The following CNTD1 variants were observed in gnomAD, a reference collection of about 807,000 sequenced individuals.
CNTD1 encodes the protein cyclin N-terminal domain containing 1.
A neutral mutation model predicts 36.3 loss-of-function variants in CNTD1; 17 were observed. That is an observed-to-expected ratio of 0.47 (90% CI 0.32 to 0.70). CNTD1 has a LOEUF of 0.70. Among genes scored for constraint, CNTD1 ranks in the 30% least tolerant of loss-of-function variants. CNTD1 has a pLI of 0.03. For synonymous variants in CNTD1, 128 were observed against 153.3 expected, an observed-to-expected ratio of 0.83 and a Z score of 1.22; for missense variants, 338 against 386.1, an observed-to-expected ratio of 0.88 and a Z score of 1.04.
In CNTD1 at chr17:42,806,788, T is replaced by C. The variant is rs200840933; in HGVS notation, c.695T>C (p.Ile232Thr). ...PIYESLLRAS[I>T]ENSTPSQLQG... is the part of the protein sequence containing the mutation. Reference sequence around the variant, plus strand: ...TATGAGAGCCTGTTGAGGGCTTCAATTGAGAACTCCACTCCCAGTCAGCTG... The same window carrying C: ...TATGAGAGCCTGTTGAGGGCTTCAACTGAGAACTCCACTCCCAGTCAGCTG... The change falls in exon 5 of 7, where the codon ATT (isoleucine) becomes ACT (threonine). Residue 232 changes from isoleucine to threonine, a missense_variant. Ile to Thr is a moderately conservative substitution (Grantham distance 89, BLOSUM62 -1). Coordinates refer to ENST00000588408, the MANE Select transcript of CNTD1 (RefSeq NM_173478.3). 175 of 1,614,166 alleles carry C rather than the reference T, an allele frequency of 1.1e-4. No individual in the cohort carries two copies. The East Asian group carries it at 2.4e-3, about 22-fold the overall frequency.
rs924447112 is a variant in CNTD1, at chr17:42,804,099, A to G, written c.246-126A>G. The G allele has an allele frequency of 9.5e-6, 8 of 838,808 alleles. No homozygotes were observed. In the African/African-American group the frequency reaches 1.4e-4, roughly 15 times the overall value. The allele number at this position is 838,808 out of a possible 1,614,324, so 52.0% of individuals were successfully genotyped here. On this transcript the variant is annotated intron_variant, in intron 2 of 6. Transcript: ENST00000588408. ...AGTCATCTGCCTGCCTTGGCCTCCC[A>G]AAGTGCTGGGATTACAGGTGTGAGC...
chr17:42,805,769 T>C lies in CNTD1; in HGVS notation c.465T>C (p.Tyr155=). Residue 155 remains tyrosine, a synonymous_variant, in exon 4 of 7, where the codon TAT becomes TAC. Transcript: ENST00000588408. Reference sequence around the variant, plus strand: ...TGAATTTCCTCCAGGCTCTAGGCTATCTACACACTAAAGAAGAACTGCTGG... The same window carrying C: ...TGAATTTCCTCCAGGCTCTAGGCTACCTACACACTAAAGAAGAACTGCTGG... ...TVLNFLQALG[Y]LHTKEELLES... 9 of 1,614,024 alleles carry C rather than the reference T, an allele frequency of 5.6e-6. No homozygotes were observed. The highest frequency in any genetic ancestry group is 7.6e-6 in the Non-Finnish European group (9 of 1,179,910).
In CNTD1 at chr17:42,805,814, G is replaced by C; in HGVS notation, c.510G>C (p.Leu170Phe). 6.2e-7 allele frequency: 1 copy of C among 1,614,078 alleles called. No homozygotes were observed. Among genetic ancestry groups the C allele is most frequent in the Non-Finnish European group, 8.5e-7 (1 of 1,179,980 alleles). The stretch of plus-strand genomic sequence containing the variant: ...TGCTGGAATCAGAGCTTGATGTTTT[G>C]AAGTCCTTGAACTTCCGAATTAATC... ...EELLESELDVLKSLNFRINLP... is the reference protein window; with the variant it reads ...EELLESELDVFKSLNFRINLP... The change falls in exon 4 of 7, where the codon TTG becomes TTC. Residue 170 changes from leucine (L) to phenylalanine (F), a missense_variant. By Grantham distance (22) the Leu-to-Phe change is conservative. Coordinates refer to ENST00000588408, the MANE Select transcript of CNTD1 (RefSeq NM_173478.3).
Position 42,810,517 on chromosome 17 carries a change from G to A in CNTD1, c.*982G>A. On this transcript the variant is annotated 3_prime_UTR_variant, in exon 7 of 7. Coordinates refer to ENST00000588408, the MANE Select transcript of CNTD1 (RefSeq NM_173478.3). ...AATTAGTTTTTTTCAGAGAAGAAAG[G>A]GAAAGGAGTCCATGGGGTTAAGAAT... 5.9e-6 allele frequency: 2 copies of A among 336,420 alleles called. No homozygotes were observed. The highest frequency in any genetic ancestry group is 1.1e-5 in the Non-Finnish European group (2 of 188,582). 20.8% of individuals were successfully genotyped at this position (336,420 alleles called of 1,614,324 possible).
intron 6 of CNTD1, among the ~76,000 whole-genome samples, chr17:42,808,395 T>A (rs2054916301): frequency 6.7e-6 from 1 of 150,086 alleles, no homozygotes; most frequent in African/African-American, 2.5e-5. Context: ...CCAAAAATTT[T>A]AAAAAATTAG....
chr17:42,809,128 A>G (rs1370237069), intron 6 of CNTD1, among the ~76,000 whole-genome samples: 1 of 152,240 alleles, frequency 6.6e-6, no homozygotes, highest in African/African-American at 2.4e-5. Context: ...TATCATTCTT[A>G]TATTTCACAA....
At chr17:42,806,527 C>A in intron 4 of CNTD1, 147 bp from the exon 5 acceptor site, 1 of 762,564 alleles carries the variant, frequency 1.3e-6, no homozygotes, top group Non-Finnish European at 2.2e-6. Flanking sequence ...TCCTTTAAAA[C>A]TGATCTCCAG....
chr17:42,803,603 T>C lies in CNTD1; in HGVS notation c.170-17T>C. ...GTTGCATCTTGTGAATTAGGCTCTTTTTTCCTGTTTTGGCAGAGTTTGTTT... is the reference window on the plus strand; with the variant it reads ...GTTGCATCTTGTGAATTAGGCTCTTCTTTCCTGTTTTGGCAGAGTTTGTTT... On this transcript the variant is annotated splice_polypyrimidine_tract_variant and intron_variant, in intron 1 of 6. Transcript: ENST00000588408. 1 of 1,610,954 alleles carries C rather than the reference T, an allele frequency of 6.2e-7. No homozygotes were observed. The highest frequency in any genetic ancestry group is 8.5e-7 in the Non-Finnish European group (1 of 1,178,178).
At chr17:42,799,793 C>T (rs1299015975) in intron 1 of CNTD1, among the ~76,000 whole-genome samples, 2 of 124,988 alleles carry the variant, frequency 1.6e-5, no homozygotes, top group South Asian at 2.7e-4. Context: ...AGGCTGGGCG[C>T]GGTGGCTCAC....
intron 1 of CNTD1, among the ~76,000 whole-genome samples, chr17:42,803,346 T>G (rs1567661057): frequency 6.6e-6 from 1 of 152,172 alleles, no homozygotes; most frequent in Non-Finnish European, 1.5e-5. Flanking sequence ...GGCCAAGCCT[T>G]TTATCAGCTG....
chr17:42,805,208 T>C (rs540617019), intron 3 of CNTD1, among the ~76,000 whole-genome samples: 4 of 152,284 alleles, frequency 2.6e-5, no homozygotes, highest in East Asian at 1.9e-4. Context: ...ACAAATACTT[T>C]CTGAGTTTAT....
rs189430873 is a variant in CNTD1, at chr17:42,809,325, A to G, written c.823-40A>G. ...TGTGTTTGTGCACTAAAATGTGTTG[A>G]GATTTTTTAGTAATAAGAAATCTGT... is the stretch of plus-strand genomic sequence containing the variant. On this transcript the variant is annotated intron_variant, in intron 6 of 6. Transcript: ENST00000588408. The G allele has an allele frequency of 2.2e-5, 34 of 1,563,030 alleles. No homozygotes were observed. The African/African-American group carries it at 4.1e-4, about 19-fold the overall frequency.
In CNTD1 at chr17:42,811,241, G is replaced by C; in HGVS notation, c.*1706G>C. ...TCCCTGAACTTGGCGGGGGAGAAAG[G>C]AGGCAGAAGAAAAGAAATGCTTTGT... is the stretch of plus-strand genomic sequence containing the variant. On this transcript the variant is annotated 3_prime_UTR_variant, in exon 7 of 7. Transcript: ENST00000588408. 1 of 306,248 alleles carries C rather than the reference G, an allele frequency of 3.3e-6. No individual in the cohort carries two copies. Among genetic ancestry groups the C allele is most frequent in the Non-Finnish European group, 5.9e-6 (1 of 168,908 alleles). 19.0% of individuals were successfully genotyped at this position (306,248 alleles called of 1,614,324 possible). A position where few individuals can be genotyped will look rare whatever the true frequency, so the allele number is the denominator to read the frequency against.
At chr17:42,802,275 G>T (rs1361918857) in intron 1 of CNTD1, among the ~76,000 whole-genome samples, 1 of 151,992 alleles carries the variant, frequency 6.6e-6, no homozygotes, top group Non-Finnish European at 1.5e-5. Flanking sequence ...AAAGGGGAGG[G>T]TCTTTTAGTT....
chr17:42,804,622 A>G (rs1261607049), intron 3 of CNTD1, among the ~76,000 whole-genome samples: 3 of 152,148 alleles, frequency 2.0e-5, no homozygotes, highest in African/African-American at 7.2e-5. Context: ...AGCCTTGCCA[A>G]CATGGTAAAA....
rs1355932351 is a variant in CNTD1 at position 42,803,699 on chromosome 17, A to T, written c.245+4A>T. 6.2e-7 allele frequency: 1 copy of T among 1,611,932 alleles called. No individual in the cohort carries two copies. The highest frequency in any genetic ancestry group is 8.5e-7 in the Non-Finnish European group (1 of 1,178,252). ...AGGCTGTAGAAATCCTAGAAAGGTA[A>T]AGCCCTGGCATAATGCCTTTTGAAC... is the stretch of plus-strand genomic sequence containing the variant. On this transcript the variant is annotated splice_donor_region_variant and intron_variant, in intron 2 of 6. Coordinates refer to ENST00000588408, the MANE Select transcript of CNTD1 (RefSeq NM_173478.3).
Position 42,806,080 on chromosome 17 carries a change from T to A in CNTD1, c.580+196T>A, listed in dbSNP as rs183780968. On this transcript the variant is annotated intron_variant, in intron 4 of 6. Transcript: ENST00000588408. ...CCATCTCTACTAAAAATACAAAAAT[T>A]AGCTGGGTGTGGTGGTGGGCACCTG... 8.1e-3 allele frequency among the ~76,000 whole-genome samples: 1,234 copies of A among 152,136 alleles called. 11 individuals are homozygous for A. The highest frequency in any genetic ancestry group is 0.026 in the African/African-American group (1,100 of 41,514).
rs1298666748 is a variant in CNTD1, at chr17:42,804,201, T to C, written c.246-24T>C. ...TTTAGTTTGTGTGAGTGAGGATTGT[T>C]TACTCTCCCTCCCTTCCCTACAGGT... is the stretch of plus-strand genomic sequence containing the variant. On this transcript the variant is annotated intron_variant, in intron 2 of 6. Transcript: ENST00000588408. 2.5e-6 allele frequency: 4 copies of C among 1,600,188 alleles called. No homozygotes were observed. The Admixed American group carries it at 5.2e-5, about 21-fold the overall frequency.
chr17:42,811,414 C>T lies in CNTD1; in HGVS notation c.*1879C>T. 2.4e-6 allele frequency: 1 copy of T among 409,606 alleles called. No individual in the cohort carries two copies. The highest frequency in any genetic ancestry group is 4.2e-6 in the Non-Finnish European group (1 of 235,460). The allele number at this position is 409,606 out of a possible 1,614,324, so 25.4% of individuals were successfully genotyped here. A position where few individuals can be genotyped will look rare whatever the true frequency, so the allele number is the denominator to read the frequency against. ...CTTGAAACTGGAGAGGAGGCTTGAGCTCTATGCCAAGAAAACCCCCTAAAC... is the reference window on the plus strand; with the variant it reads ...CTTGAAACTGGAGAGGAGGCTTGAGTTCTATGCCAAGAAAACCCCCTAAAC... On this transcript the variant is annotated 3_prime_UTR_variant, in exon 7 of 7. Transcript: ENST00000588408.
Sources: allele counts gnomAD v4.1 joint callset (sites outside exome capture counted in the v4.1 genomes callset), GRCh38; gene constraint gnomAD v4.1.1; transcripts MANE v1.5; gene names NCBI Gene and HGNC (gene_info 2026-07-23, HGNC 2026-07-21).